The following ROBO2 variants were observed in gnomAD, a reference collection of about 807,000 sequenced individuals.
ROBO2 encodes roundabout homolog 2.
A neutral mutation model predicts 160.8 loss-of-function variants in ROBO2; 53 were observed. That is an observed-to-expected ratio of 0.33 (90% CI 0.26 to 0.41). The LOEUF (loss-of-function observed/expected upper bound fraction) is 0.41, where lower values mean the gene tolerates loss of function less well. ROBO2 is among the 10% of genes least tolerant of loss of function. ROBO2 has a pLI of 1.00. For missense variants in ROBO2, 1,577 were observed against 1,722.4 expected (o/e 0.92, Z 1.49); for synonymous variants, 664 against 611.7 (o/e 1.09, Z -1.26).
At chr3:77,366,379 C>T (rs1323102511) in intron 2 of ROBO2, among the ~76,000 whole-genome samples, 1 of 151,976 alleles carries the variant, frequency 6.6e-6, no homozygotes, top group African/African-American at 2.4e-5. Context: ...GGAATTAGTG[C>T]CCTTAGAAAG....
chr3:77,132,066 TTAGAA>T (rs1242094202), intron 2 of ROBO2, among the ~76,000 whole-genome samples: 3 of 152,106 alleles, frequency 2.0e-5, no homozygotes, highest in Non-Finnish European at 4.4e-5. Context: ...ATGTTTTCCT[TTAGAA>T]TAGGACCTAA....
intron 2 of ROBO2, among the ~76,000 whole-genome samples, chr3:76,213,600 G>C (rs1703292939): frequency 6.6e-6 from 1 of 152,032 alleles, no homozygotes; most frequent in South Asian, 2.1e-4. Flanking sequence ...AAAGTACTAA[G>C]AGATTTCTTT....
At position 76,932,035 on chromosome 3, in the gene ROBO2, A is replaced by G. The variant is rs146127492; in HGVS notation, c.110-165979A>G. On this transcript the variant is annotated intron_variant, in intron 2 of 26. Transcript: ENST00000487694. ...AATCACCATGGAGAAACATCCTCCA[A>G]AGACTTTAAGATAGTTTAAATGGCT... 1.4e-4 allele frequency among the ~76,000 whole-genome samples: 21 copies of G among 152,314 alleles called. No homozygotes were observed. In the East Asian group the frequency reaches 3.1e-3, roughly 22 times the overall value.
At chr3:76,202,784 A>G (rs766225795) in intron 2 of ROBO2, among the ~76,000 whole-genome samples, 27 of 152,114 alleles carry the variant, frequency 1.8e-4, no homozygotes, top group Non-Finnish European at 3.2e-4. Flanking sequence ...TATGAAAAAG[A>G]CAGTACATTT....
intron 2 of ROBO2, among the ~76,000 whole-genome samples, chr3:76,628,658 T>C (rs1260659831): frequency 6.6e-6 from 1 of 152,182 alleles, no homozygotes; most frequent in Admixed American, 6.5e-5. Flanking sequence ...TCTAATGTTA[T>C]CTGATATGCT....
At chr3:76,330,694 A>G (rs955384056) in intron 2 of ROBO2, among the ~76,000 whole-genome samples, 3 of 152,218 alleles carry the variant, frequency 2.0e-5, no homozygotes, top group Non-Finnish European at 4.4e-5. Flanking sequence ...TATAAATTCT[A>G]TTTTGGATTC....
intron 2 of ROBO2, among the ~76,000 whole-genome samples, chr3:76,495,094 G>A (rs781261973): frequency 1.3e-5 from 2 of 152,064 alleles, no homozygotes; most frequent in Non-Finnish European, 2.9e-5. Context: ...GTACCCTCAC[G>A]TGTGTTTGAA....
intron 2 of ROBO2, among the ~76,000 whole-genome samples, chr3:76,873,021 T>C (rs1473326874): frequency 3.9e-5 from 6 of 152,160 alleles, no homozygotes; most frequent in African/African-American, 1.4e-4. Flanking sequence ...GTATTTTAAA[T>C]ATATTTTACA....
chr3:76,845,760 G>T (rs2068719936), intron 2 of ROBO2, among the ~76,000 whole-genome samples: 1 of 151,920 alleles, frequency 6.6e-6, no homozygotes, highest in Non-Finnish European at 1.5e-5. Context: ...AATCAACATG[G>T]TAACCTTCAT....
intron 2 of ROBO2, among the ~76,000 whole-genome samples, chr3:77,185,806 C>CATATATAT (rs35513605): frequency 2.7e-5 from 4 of 150,928 alleles, no homozygotes; most frequent in Non-Finnish European, 5.9e-5. Context: ...GTGATACACA[C>CATATATAT]ATATATATAT....
At position 76,049,383 on chromosome 3, in the gene ROBO2, G is replaced by GTGTGTGTATATATA. The variant is rs1440395230; in HGVS notation, c.109+111782_109+111783insGTGTGTATATATAT. 6.8e-4 allele frequency among the ~76,000 whole-genome samples: 25 copies of GTGTGTGTATATATA among 36,818 alleles called. 5 individuals carry two copies. Among genetic ancestry groups the GTGTGTGTATATATA allele is most frequent in the African/African-American group, 2.5e-3 (22 of 8,874 alleles). 24.2% of individuals were successfully genotyped at this position (36,818 alleles called of 152,430 possible). ...ATGCCACCACCCCTGGCTAATTTTA[G>GTGTGTGTATATATA]TATATATATATATATATATATTTTT... On this transcript the variant is annotated intron_variant, in intron 2 of 26. Transcript: ENST00000487694.
chr3:76,210,673 A>G (rs1266641242), intron 2 of ROBO2, among the ~76,000 whole-genome samples: 1 of 152,136 alleles, frequency 6.6e-6, no homozygotes, highest in African/African-American at 2.4e-5. Flanking sequence ...TCTCCAAAAA[A>G]GGGGCAAATA....
At chr3:77,022,257 C>T (rs2062684992) in intron 2 of ROBO2, among the ~76,000 whole-genome samples, 1 of 152,180 alleles carries the variant, frequency 6.6e-6, no homozygotes, top group African/African-American at 2.4e-5. Context: ...GTAATCCCAG[C>T]TACTCAGGAG....
intron 2 of ROBO2, among the ~76,000 whole-genome samples, chr3:76,881,786 T>C (rs1299562731): frequency 6.6e-6 from 1 of 152,226 alleles, no homozygotes; most frequent in Non-Finnish European, 1.5e-5. Context: ...GGCCCTGTGA[T>C]TATGGCCTTG....
chr3:76,027,329 C>T (rs2066778970), intron 2 of ROBO2, among the ~76,000 whole-genome samples: 1 of 151,890 alleles, frequency 6.6e-6, no homozygotes, highest in Non-Finnish European at 1.5e-5. Flanking sequence ...TTTACATAGG[C>T]TTAACATTTC....
chr3:76,583,688 CCTTT>C (rs1439670442), intron 2 of ROBO2, among the ~76,000 whole-genome samples: 1 of 152,082 alleles, frequency 6.6e-6, no homozygotes, highest in Non-Finnish European at 1.5e-5. Context: ...ATCTGCCCCA[CCTTT>C]CTCTCAGTTT....
chr3:76,610,773 C>T (rs2109073953), intron 2 of ROBO2, among the ~76,000 whole-genome samples: 1 of 151,378 alleles, frequency 6.6e-6, no homozygotes, highest in East Asian at 2.0e-4. Flanking sequence ...TCCTGTGGTC[C>T]AGCGAGCAGG....
intron 2 of ROBO2, among the ~76,000 whole-genome samples, chr3:77,355,248 G>GCTCTA (rs1381127665): frequency 6.6e-6 from 1 of 151,494 alleles, no homozygotes; most frequent in South Asian, 2.1e-4. Flanking sequence ...TACCCTAGGA[G>GCTCTA]TTTGGCTCTG....
At chr3:77,094,663 C>G (rs7621462) in intron 1 of ROBO2, among the ~76,000 whole-genome samples, 1,722 of 152,198 alleles carry the variant, frequency 0.011, 27 homozygotes, top group African/African-American at 0.04. Flanking sequence ...ATGGATGAGG[C>G]TTTCAGTTTT....
Sources: allele counts gnomAD v4.1 joint callset (sites outside exome capture counted in the v4.1 genomes callset), GRCh38; gene constraint gnomAD v4.1.1; transcripts MANE v1.5; gene names NCBI Gene and HGNC (gene_info 2026-07-23, HGNC 2026-07-21).